CPZ: variants seen among roughly 807,000 people sequenced by gnomAD.
The protein encoded by CPZ is carboxypeptidase Z, also known as VEZT/CPZ fusion.
A neutral mutation model predicts 61.8 loss-of-function variants in CPZ; 103 were observed. The observed-to-expected ratio is 1.67, with a 90% CI of 1.42 to 1.96. CPZ has a LOEUF of 1.96. Ranked by LOEUF, CPZ falls within the 30% of genes most tolerant of loss-of-function variation. The pLI, the probability that CPZ is intolerant of heterozygous loss-of-function variation, is 0.00. For missense variants in CPZ, 1,461 were observed against 914.9 expected (o/e 1.60, Z -7.70); for synonymous variants, 551 against 373.7 (o/e 1.47, Z -5.47).
chr4:8,595,142 A>G (rs1340259343), intron 1 of CPZ, among the ~76,000 whole-genome samples: 3 of 152,250 alleles, frequency 2.0e-5, no homozygotes, highest in Non-Finnish European at 4.4e-5. Context: ...AAAAATTATT[A>G]ATGAAACACA....
intron 6 of CPZ, 83 bp from the exon 7 acceptor site, chr4:8,607,184 C>A (rs560895990): frequency 6.7e-7 from 1 of 1,488,150 alleles, no homozygotes; most frequent in African/African-American, 1.4e-5. Context: ...CATTGGAGCC[C>A]AGAGGGCTGC....
intron 1 of CPZ, among the ~76,000 whole-genome samples, chr4:8,598,274 G>T (rs1471766040): frequency 6.6e-6 from 1 of 152,216 alleles, no homozygotes; most frequent in African/African-American, 2.4e-5. Flanking sequence ...CCCAGTCCCA[G>T]GAAGTTCCCG....
chr4:8,593,072 G>A, intron 1 of CPZ, 151 bp downstream of exon 1: 1 of 623,046 alleles, frequency 1.6e-6, no homozygotes, highest in Admixed American at 3.5e-5. Context: ...GGCAGCATGT[G>A]GCCTGGGACT....
intron 1 of CPZ, among the ~76,000 whole-genome samples, chr4:8,595,517 C>T (rs1352060740): frequency 6.6e-6 from 1 of 152,216 alleles, no homozygotes; most frequent in Non-Finnish European, 1.5e-5. Context: ...GGGGCAAAAC[C>T]AGAGGCCTAC....
Position 8,619,382 on chromosome 4 carries a change from G to A in CPZ, c.1724G>A (p.Gly575Asp), listed in dbSNP as rs764266310. 6 of 1,614,208 alleles carry A rather than the reference G, an allele frequency of 3.7e-6. No individual in the cohort carries two copies. The highest frequency in any genetic ancestry group is 2.2e-5 in the East Asian group (1 of 44,880). ...VIIPARMKRA[G>D]RVDFILQPLG... The stretch of plus-strand genomic sequence containing the variant: ...ATCCCCGCCCGGATGAAGAGGGCTG[G>A]CCGTGTGGACTTCATTCTGCAACCT... Residue 575 changes from glycine to aspartate, a missense_variant, in exon 11 of 11, where the codon GGC becomes GAC. Transcript: ENST00000360986.
At chr4:8,608,431 G>GAA (rs1715240578) in intron 7 of CPZ, among the ~76,000 whole-genome samples, 1 of 152,196 alleles carries the variant, frequency 6.6e-6, no homozygotes, top group Non-Finnish European at 1.5e-5. Context: ...TCTCCTTTCT[G>GAA]AGGCCACCCG....
intron 9 of CPZ, among the ~76,000 whole-genome samples, chr4:8,617,387 A>G (rs573544041): frequency 6.6e-6 from 1 of 152,204 alleles, no homozygotes; most frequent in Non-Finnish European, 1.5e-5. Flanking sequence ...TCCCGGGGCC[A>G]GGGAAGGAGG....
At position 8,594,940 on chromosome 4, in the gene CPZ, T is replaced by G. The variant is rs551862695; in HGVS notation, c.88+2019T>G. 7.9e-5 allele frequency among the ~76,000 whole-genome samples: 12 copies of G among 152,198 alleles called. No individual in the cohort carries two copies. The East Asian group carries it at 2.3e-3, about 29-fold the overall frequency. On this transcript the variant is annotated intron_variant, in intron 1 of 10. Transcript: ENST00000360986. ...GGCATCTGCCACCGCGCCCAACTAA[T>G]TTTTTGTAGTTTTAGTAGAGACAGG...
chr4:8,597,791 G>A (rs566040619), intron 1 of CPZ, among the ~76,000 whole-genome samples: 10 of 152,214 alleles, frequency 6.6e-5, no homozygotes, highest in Non-Finnish European at 1.2e-4. Flanking sequence ...CCGGAAGATC[G>A]TGTGCTGGGC....
chr4:8,617,027 G>A (rs931573739), intron 9 of CPZ, among the ~76,000 whole-genome samples: 1 of 152,204 alleles, frequency 6.6e-6, no homozygotes, highest in African/African-American at 2.4e-5. Flanking sequence ...GTGCTTTGTG[G>A]AGCTAGACTG....
intron 7 of CPZ, chr4:8,611,195 G>T (rs542558003): frequency 6.6e-6 from 3 of 455,710 alleles, no homozygotes; most frequent in East Asian, 1.4e-4. Flanking sequence ...GACCTGTCCT[G>T]CTTGGTGGGG....
intron 10 of CPZ, 58 bp downstream of exon 10, chr4:8,618,586 G>T: frequency 1.3e-6 from 2 of 1,524,168 alleles, no homozygotes; most frequent in Non-Finnish European, 1.8e-6. Context: ...ATGCCACACC[G>T]TGGCAGCCGG....
Position 8,604,133 on chromosome 4 carries a change from C to G in CPZ, c.654C>G (p.Asp218Glu). ...CCTACAGCATCGGGCGCAGCTTCGA[C>G]GGCAGGGAGCTGCTGGTCATCGAGT... Reference protein sequence around the residue: ...ARTYSIGRSFDGRELLVIEFS... With the variant: ...ARTYSIGRSFEGRELLVIEFS... The change falls in exon 4 of 11, where the codon GAC becomes GAG. Residue 218 changes from aspartate to glutamate, a missense_variant. By Grantham distance (45) the Asp-to-Glu change is conservative. Transcript: ENST00000360986. The G allele has an allele frequency of 6.3e-7, 1 of 1,591,692 alleles. No individual in the cohort carries two copies. The highest frequency in any genetic ancestry group is 8.6e-7 in the Non-Finnish European group (1 of 1,169,238).
intron 6 of CPZ, 47 bp downstream of exon 6, chr4:8,606,945 G>T (rs1223186735): frequency 6.5e-7 from 1 of 1,539,210 alleles, no homozygotes; most frequent in South Asian, 1.2e-5. Context: ...GGCATCCAGG[G>T]GTCCCTAGTT....
At position 8,601,363 on chromosome 4, in the gene CPZ, T is replaced by C. The variant is rs374541995; in HGVS notation, c.362T>C (p.Ile121Thr). ...TGGGTGCGCAGACCCTGCCGGCACA[T>C]CTGCGAGGGCCTGCGGGAGGTCTGC... ...GGWVRRPCRH[I>T]CEGLREVCQP... The change falls in exon 3 of 11, where the codon ATC becomes ACC. Residue 121 changes from isoleucine to threonine, a missense_variant. Ile to Thr is a moderately conservative substitution (Grantham distance 89, BLOSUM62 -1). Transcript: ENST00000360986. The C allele has an allele frequency of 6.2e-7, 1 of 1,602,732 alleles. No homozygotes were observed.
chr4:8,616,464 A>G (rs1467254046), intron 9 of CPZ, among the ~76,000 whole-genome samples: 1 of 150,968 alleles, frequency 6.6e-6, no homozygotes, highest in Non-Finnish European at 1.5e-5. Flanking sequence ...GGGTGGGGCT[A>G]GGGGAGGCAG....
rs1382150925 is a variant in CPZ, at chr4:8,601,620, A to G, written c.496+123A>G. 4 of 1,100,850 alleles carry G rather than the reference A, an allele frequency of 3.6e-6. No individual in the cohort carries two copies. The East Asian group carries it at 1.1e-4, about 31-fold the overall frequency. 68.2% of individuals were successfully genotyped at this position (1,100,850 alleles called of 1,614,324 possible). On this transcript the variant is annotated intron_variant, in intron 3 of 10. Coordinates refer to ENST00000360986, the MANE Select transcript of CPZ (RefSeq NM_001014447.3). ...ACAGTGACGGTGCAGGCATTGGTAG[A>G]GGGCGGGGCTGCTCCCCGAGGCAGC...
chr4:8,601,594 G>T, intron 3 of CPZ, 97 bp downstream of exon 3: 3 of 1,264,510 alleles, frequency 2.4e-6, no homozygotes, highest in South Asian at 1.8e-5. Context: ...CTTTTCCATC[G>T]ACAGTGACGG....
At chr4:8,613,331 C>T (rs1210317831) in intron 8 of CPZ, among the ~76,000 whole-genome samples, 1 of 152,154 alleles carries the variant, frequency 6.6e-6, no homozygotes, top group East Asian at 1.9e-4. Flanking sequence ...GGGGTTTCAC[C>T]ATGTTGGCCA....
Sources: gnomAD v4.1 joint callset for allele counts (sites outside exome capture counted in the v4.1 genomes callset) on GRCh38, gnomAD v4.1.1 for gene constraint, MANE v1.5 for transcripts, NCBI Gene and HGNC (gene_info 2026-07-23, HGNC 2026-07-21) for gene names.